The following HLCS variants were observed in gnomAD, a reference collection of about 807,000 sequenced individuals.
HLCS encodes the protein biotin--protein ligase.
In HLCS, 53 loss-of-function variants were observed where a neutral mutation model predicts 75.0. The ratio of observed to expected loss-of-function variants is 0.71; its 90% confidence interval spans 0.57 to 0.89. The LOEUF (loss-of-function observed/expected upper bound fraction) is 0.89. Ranked by LOEUF, HLCS falls within the 40% of genes least tolerant of loss-of-function variation. The probability of loss-of-function intolerance (pLI) is 0.00; values close to 1 mark genes in which losing one functional copy is unlikely to be tolerated. For missense variants in HLCS, 966 were observed against 1,074.0 expected, an observed-to-expected ratio of 0.90 and a Z score of 1.41; for synonymous variants, 431 against 428.6, an observed-to-expected ratio of 1.01 and a Z score of -0.07.
At chr21:36,792,732 A>G (rs968336837) in intron 6 of HLCS, among the ~76,000 whole-genome samples, 4 of 152,164 alleles carry the variant, frequency 2.6e-5, no homozygotes, top group African/African-American at 9.7e-5. Flanking sequence ...CAAGTAACGA[A>G]GCCAACAACC....
chr21:36,805,398 C>A (rs1489686928), intron 6 of HLCS, among the ~76,000 whole-genome samples: 1 of 152,174 alleles, frequency 6.6e-6, no homozygotes, highest in Non-Finnish European at 1.5e-5. Context: ...GTCCCGGGCC[C>A]GGCTCCGGGC....
At chr21:36,837,432 AC>A (rs2062452505) in intron 6 of HLCS, among the ~76,000 whole-genome samples, 1 of 152,208 alleles carries the variant, frequency 6.6e-6, no homozygotes, top group South Asian at 2.1e-4. Context: ...AAAATACAGC[AC>A]ACAAAAAACT....
intron 6 of HLCS, among the ~76,000 whole-genome samples, chr21:36,827,247 A>G (rs964449659): frequency 3.2e-4 from 48 of 152,080 alleles, no homozygotes; most frequent in Admixed American, 2.9e-3. Flanking sequence ...TTCTTCAGCG[A>G]GCATACTCAG....
At chr21:36,950,336 C>T (rs2067611298) in intron 2 of HLCS, among the ~76,000 whole-genome samples, 1 of 152,100 alleles carries the variant, frequency 6.6e-6, no homozygotes, top group South Asian at 2.1e-4. Context: ...GGATGAAACT[C>T]ATAGTGAGTC....
chr21:36,972,596 C>T (rs369087988), intron 1 of HLCS, among the ~76,000 whole-genome samples: 1 of 152,276 alleles, frequency 6.6e-6, no homozygotes, highest in East Asian at 1.9e-4. Flanking sequence ...TATCCATCTC[C>T]TAATCCAGTA....
chr21:36,822,632 T>C (rs1311024034), intron 6 of HLCS, among the ~76,000 whole-genome samples: 2 of 152,234 alleles, frequency 1.3e-5, no homozygotes, highest in East Asian at 3.8e-4. Flanking sequence ...CATATACATA[T>C]GCCCTTTCAA....
At chr21:36,967,658 T>C (rs559919690), upstream of HLCS, among the ~76,000 whole-genome samples, 2 of 152,328 alleles carry the variant, frequency 1.3e-5, no homozygotes, top group East Asian at 3.9e-4. Context: ...TCGCTGAAAA[T>C]AGGTGGCAAG....
intron 1 of HLCS, among the ~76,000 whole-genome samples, chr21:36,989,925 GGCCGCGCTGC>G (rs199658720): frequency 0.065 from 9,817 of 152,134 alleles, 414 homozygotes; most frequent in Middle Eastern, 0.12. Context: ...GGCGCGCGGA[GGCCGCGCTGC>G]CCTGGGCCGC....
At chr21:36,826,850 T>C (rs1002273103) in intron 6 of HLCS, among the ~76,000 whole-genome samples, 1 of 152,094 alleles carries the variant, frequency 6.6e-6, no homozygotes, top group African/African-American at 2.4e-5. Context: ...GTTTACATGG[T>C]GAATACAGAA....
At chr21:36,927,209 C>T (rs1258303470) in intron 5 of HLCS, among the ~76,000 whole-genome samples, 1 of 152,246 alleles carries the variant, frequency 6.6e-6, no homozygotes, top group Non-Finnish European at 1.5e-5. Context: ...GCTCAGCCGC[C>T]CACAGCCTGC....
chr21:36,983,608 C>A (rs558911596), intron 1 of HLCS, among the ~76,000 whole-genome samples: 1 of 151,352 alleles, frequency 6.6e-6, no homozygotes, highest in African/African-American at 2.4e-5. Context: ...GAGGCTGAGG[C>A]GGGCAGATCA....
intron 6 of HLCS, among the ~76,000 whole-genome samples, chr21:36,774,830 C>T (rs754937755): frequency 1.3e-5 from 2 of 152,216 alleles, no homozygotes; most frequent in Non-Finnish European, 2.9e-5. Flanking sequence ...ACTGGCTCTT[C>T]GGCTGACTTT....
At chr21:36,864,093 C>T (rs1027255321) in intron 6 of HLCS, among the ~76,000 whole-genome samples, 28 of 152,104 alleles carry the variant, frequency 1.8e-4, no homozygotes, top group African/African-American at 6.5e-4. Context: ...ATGTGTTATC[C>T]ACCATCATCT....
intron 6 of HLCS, among the ~76,000 whole-genome samples, chr21:36,849,287 G>A (rs1349994257): frequency 6.6e-6 from 1 of 152,146 alleles, no homozygotes; most frequent in African/African-American, 2.4e-5. Context: ...TGCACCAACT[G>A]GCTGACTACA....
intron 6 of HLCS, among the ~76,000 whole-genome samples, chr21:36,847,915 T>A (rs1401170684): frequency 6.6e-6 from 1 of 152,254 alleles, no homozygotes; most frequent in Non-Finnish European, 1.5e-5. Context: ...GTTTATTTAC[T>A]TTTCGAAAAC....
chr21:36,812,564 T>C (rs1341385089), intron 6 of HLCS, among the ~76,000 whole-genome samples: 1 of 152,236 alleles, frequency 6.6e-6, no homozygotes, highest in Non-Finnish European at 1.5e-5. Context: ...CTCATTATTT[T>C]GACTTAGTTT....
At chr21:36,934,635 A>T (rs949422001) in intron 4 of HLCS, among the ~76,000 whole-genome samples, 7 of 152,202 alleles carry the variant, frequency 4.6e-5, no homozygotes, top group Non-Finnish European at 1.0e-4. Context: ...TGGCAAAGGC[A>T]TCAAATCTGC....
intron 5 of HLCS, among the ~76,000 whole-genome samples, chr21:36,907,944 C>T (rs1402793679): frequency 6.6e-6 from 1 of 152,046 alleles, no homozygotes; most frequent in Non-Finnish European, 1.5e-5. Flanking sequence ...CAATTAGATA[C>T]CACTATACAT....
At chr21:36,973,972 CAA>C (rs1446812785) in intron 1 of HLCS, 1 of 151,876 alleles carries the variant, frequency 6.6e-6, no homozygotes, top group Admixed American at 6.6e-5. Context: ...GCCTGGGCAA[CAA>C]GAGTGAAACT....
Sources: allele counts gnomAD v4.1 joint callset (sites outside exome capture counted in the v4.1 genomes callset), GRCh38; gene constraint gnomAD v4.1.1; transcripts MANE v1.5; gene names NCBI Gene and HGNC (gene_info 2026-07-23, HGNC 2026-07-21).